ACTN2: variants seen among roughly 807,000 people sequenced by gnomAD.
ACTN2 encodes the protein alpha-actinin-2.
In ACTN2, 39 loss-of-function variants were observed where a neutral mutation model predicts 113.8. The observed-to-expected ratio is 0.34, with a 90% confidence interval of 0.27 to 0.45. The LOEUF (loss-of-function observed/expected upper bound fraction) is 0.45, where lower values mean the gene tolerates loss of function less well. Ranked by LOEUF, ACTN2 falls within the 20% of genes least tolerant of loss-of-function variation. The pLI is 1.00. For synonymous variants in ACTN2, 429 were observed against 444.1 expected, an observed-to-expected ratio of 0.97 and a Z score of 0.43; for missense variants, 992 against 1,177.9, an observed-to-expected ratio of 0.84 and a Z score of 2.31.
chr1:236,715,632 C>G (rs1183212523), intron 1 of ACTN2, among the ~76,000 whole-genome samples: 1 of 152,152 alleles, frequency 6.6e-6, no homozygotes, highest in Non-Finnish European at 1.5e-5. Context: ...TGGCTAGGAG[C>G]TACCACACTG....
intron 15 of ACTN2, among the ~76,000 whole-genome samples, chr1:236,753,659 G>T (rs1034979878): frequency 6.6e-6 from 1 of 152,128 alleles, no homozygotes; most frequent in African/African-American, 2.4e-5. Context: ...GGAGGAGAAT[G>T]GTCGCTGCTC....
chr1:236,717,435 G>A (rs1285086958), intron 1 of ACTN2, among the ~76,000 whole-genome samples: 1 of 152,074 alleles, frequency 6.6e-6, no homozygotes, highest in Admixed American at 6.6e-5. Flanking sequence ...GGATGACCCT[G>A]TCTCCAAAAC....
intron 7 of ACTN2, among the ~76,000 whole-genome samples, chr1:236,732,802 G>T (rs1658751860): frequency 6.6e-6 from 1 of 152,118 alleles, no homozygotes; most frequent in South Asian, 2.1e-4. Context: ...TCCTACTCCA[G>T]CATGACCACA....
intron 12 of ACTN2, 144 bp from the exon 13 acceptor site, chr1:236,747,523 T>C (rs763835032): frequency 1.4e-6 from 1 of 711,742 alleles, no homozygotes; most frequent in Non-Finnish European, 2.4e-6. Context: ...CTCCACTGTC[T>C]ATCAGCCCAC....
chr1:236,749,548 G>A (rs751217099), intron 14 of ACTN2, among the ~76,000 whole-genome samples: 3 of 152,120 alleles, frequency 2.0e-5, no homozygotes, highest in Non-Finnish European at 4.4e-5. Flanking sequence ...TATAATTCCA[G>A]CACTTGGGGA....
At chr1:236,725,823 AGACCCCCTGGGTGATC>A (rs1333117275) in intron 4 of ACTN2, 94 bp from the exon 5 acceptor site, 22 of 923,822 alleles carry the variant, frequency 2.4e-5, no homozygotes, top group Non-Finnish European at 4.0e-5. Context: ...CTGTAGGAAG[AGACCCCCTGGGTGATC>A]GACCCCCTGG....
At chr1:236,727,615 A>G (rs1379435880) in intron 5 of ACTN2, 63 bp from the exon 6 acceptor site, 2 of 1,552,910 alleles carry the variant, frequency 1.3e-6, no homozygotes, top group Admixed American at 1.7e-5. Flanking sequence ...GACTGAGTGC[A>G]GATGCTGGCT....
In ACTN2 at chr1:236,754,555, C is replaced by T. The variant is rs1196548118; in HGVS notation, c.1975-464C>T. Among the ~76,000 whole-genome samples the T allele has an allele frequency of 1.3e-5, 2 of 152,122 alleles. No individual in the cohort carries two copies. The highest frequency in any genetic ancestry group is 4.8e-5 in the African/African-American group (2 of 41,406). The stretch of plus-strand genomic sequence containing the variant: ...GACCCACTTATTTCTTGTCCCACCA[C>T]CCTTTTGGTGTTGAAATATTGACTT... On this transcript the variant is annotated intron_variant, in intron 16 of 20. Coordinates refer to ENST00000366578, the MANE Select transcript of ACTN2 (RefSeq NM_001103.4). The surrounding 1 kb of genome is among the most constrained non-coding windows in gnomAD (Gnocchi z 4.9).
rs1659393136 is a variant in ACTN2 at position 236,751,512 on chromosome 1, G to A, written c.1699G>A (p.Glu567Lys). ...TGAGCAGTTCAAGGCCACGCTGCCC[G>A]AGGCGGACGGAGAGCGGCAGTCCAT... is the stretch of plus-strand genomic sequence containing the variant. ...AHEQFKATLP[E>K]ADGERQSIMA... The change falls in exon 15 of 21, where the codon GAG (glutamate) becomes AAG (lysine). Residue 567 changes from glutamate to lysine, a missense_variant. Physicochemically the swap from Glu to Lys is moderately conservative, Grantham distance 56. This residue lies in a region of ACTN2 where 736 missense variants were observed against 815.4 expected (regional missense o/e 0.90). Coordinates refer to ENST00000366578, the MANE Select transcript of ACTN2 (RefSeq NM_001103.4). 6.8e-6 allele frequency: 11 copies of A among 1,614,126 alleles called. No individual in the cohort carries two copies. The highest frequency in any genetic ancestry group is 7.6e-6 in the Non-Finnish European group (9 of 1,180,018).
chr1:236,721,169 A>G (rs1010779237), intron 4 of ACTN2, among the ~76,000 whole-genome samples: 1 of 150,812 alleles, frequency 6.6e-6, no homozygotes, highest in Non-Finnish European at 1.5e-5. Flanking sequence ...CTGGGACTAC[A>G]GGCGCCCACC....
intron 1 of ACTN2, among the ~76,000 whole-genome samples, chr1:236,696,666 A>ATT (rs34828949): frequency 3.3e-4 from 43 of 129,952 alleles, no homozygotes; most frequent in African/African-American, 6.1e-4. Context: ...TTGTCCCACT[A>ATT]TTTTTTTTTT....
chr1:236,694,262 C>T (rs571840982), intron 1 of ACTN2, among the ~76,000 whole-genome samples: 19 of 149,878 alleles, frequency 1.3e-4, no homozygotes, highest in African/African-American at 3.7e-4. Context: ...TGTCGTTGCC[C>T]GGGCTGGAGT....
At chr1:236,725,501 C>G (rs1355045347) in intron 4 of ACTN2, among the ~76,000 whole-genome samples, 1 of 151,984 alleles carries the variant, frequency 6.6e-6, no homozygotes, top group African/African-American at 2.4e-5. Context: ...GGTGGTGGCA[C>G]CTGTAGTCCC....
intron 1 of ACTN2, among the ~76,000 whole-genome samples, chr1:236,692,557 C>CT (rs1666122257): frequency 6.6e-6 from 1 of 152,066 alleles, no homozygotes; most frequent in African/African-American, 2.4e-5. Flanking sequence ...GCAGAAGTGT[C>CT]AAAGAAGAGG....
At chr1:236,755,902 CTGTTAGAA>C in intron 17 of ACTN2, among the ~76,000 whole-genome samples, 3 of 31,606 alleles carry the variant, frequency 9.5e-5, no homozygotes, top group African/African-American at 3.6e-4. Flanking sequence ...CCCGCTGCCA[CTGTTAGAA>C]CCCTGGTAAT....
At chr1:236,715,042 C>G (rs991950580) in intron 1 of ACTN2, among the ~76,000 whole-genome samples, 9 of 151,980 alleles carry the variant, frequency 5.9e-5, no homozygotes, top group South Asian at 4.2e-4. Context: ...AAGGGATATG[C>G]AAGAGACTGA....
At chr1:236,730,243 C>G (rs1658674986) in intron 6 of ACTN2, among the ~76,000 whole-genome samples, 1 of 150,158 alleles carries the variant, frequency 6.7e-6, no homozygotes, top group South Asian at 2.1e-4. Flanking sequence ...AGGTGATAAG[C>G]TTTGTTAAAA....
intron 1 of ACTN2, among the ~76,000 whole-genome samples, chr1:236,687,820 G>A (rs915492008): frequency 6.6e-6 from 1 of 152,206 alleles, no homozygotes; most frequent in Non-Finnish European, 1.5e-5. Context: ...AACTCCTCTC[G>A]CAGCAAACAG....
In ACTN2 at chr1:236,744,779, A is replaced by T; in HGVS notation, c.1406+3A>T. ...GCAGCCATCGCGCAGGAGCTCAAGT[A>T]TGTGCAGATGCCCTCCGTCCTCCCG... On this transcript the variant is annotated splice_donor_region_variant and intron_variant, in intron 12 of 20. Coordinates refer to ENST00000366578, the MANE Select transcript of ACTN2 (RefSeq NM_001103.4). 1 of 1,614,062 alleles carries T rather than the reference A, an allele frequency of 6.2e-7. No homozygotes were observed. The highest frequency in any genetic ancestry group is 8.5e-7 in the Non-Finnish European group (1 of 1,179,994).
Sources: allele counts gnomAD v4.1 joint callset (sites outside exome capture counted in the v4.1 genomes callset), GRCh38; gene constraint gnomAD v4.1.1; regional missense constraint gnomAD v4.1.1; non-coding constraint Gnocchi (gnomAD v3.1); transcripts MANE v1.5; gene names NCBI Gene and HGNC (gene_info 2026-07-23, HGNC 2026-07-21).